The following CPS1 variants were observed in gnomAD, a reference collection of about 807,000 sequenced individuals.
CPS1 encodes the protein carbamoyl-phosphate synthase [ammonia], mitochondrial.
A neutral mutation model predicts 174.6 loss-of-function variants in CPS1; 109 were observed. The observed-to-expected ratio is 0.62, with a 90% CI of 0.53 to 0.73. The LOEUF (loss-of-function observed/expected upper bound fraction) is 0.73. Among genes scored for constraint, CPS1 ranks in the 30% least tolerant of loss-of-function variants. The pLI is 0.00. For missense variants in CPS1, 1,689 were observed against 1,821.9 expected (o/e 0.93, Z 1.33); for synonymous variants, 637 against 632.0 (o/e 1.01, Z -0.12).
intron 25 of CPS1, among the ~76,000 whole-genome samples, chr2:210,645,942 CT>C (rs1700364602): frequency 6.6e-6 from 1 of 152,046 alleles, no homozygotes; most frequent in African/African-American, 2.4e-5. Context: ...AGAGTAGCAG[CT>C]ATTATCTTAC....
At chr2:210,528,752 A>G (rs2105997373) in intron 1 of CPS1, among the ~76,000 whole-genome samples, 1 of 151,530 alleles carries the variant, frequency 6.6e-6, no homozygotes, top group South Asian at 2.1e-4. Flanking sequence ...ACTTCTGACT[A>G]TAATAGAAAA....
intron 34 of CPS1, chr2:210,673,126 T>C (rs1701370388): frequency 6.6e-6 from 1 of 152,212 alleles, no homozygotes; most frequent in Non-Finnish European, 1.5e-5. Context: ...TTACAAGACA[T>C]TTGCTGAAGT....
chr2:210,605,359 T>A, intron 17 of CPS1, 113 bp downstream of exon 17: 2 of 1,160,074 alleles, frequency 1.7e-6, no homozygotes, highest in Non-Finnish European at 2.6e-6. Flanking sequence ...GTTGACAGAC[T>A]AGTGATAACA....
At chr2:210,572,571 G>T (rs559273467) in intron 1 of CPS1, among the ~76,000 whole-genome samples, 46 of 152,062 alleles carry the variant, frequency 3.0e-4, no homozygotes, top group African/African-American at 1.1e-3. Flanking sequence ...CTAAGAATTT[G>T]GTAGACACTG....
intron 1 of CPS1, among the ~76,000 whole-genome samples, chr2:210,497,885 T>TATACATAC (rs1338051806): frequency 8.7e-6 from 1 of 115,100 alleles, no homozygotes; most frequent in African/African-American, 3.5e-5. Context: ...TAGAACAATA[T>TATACATAC]ATACATACAT....
intron 22 of CPS1, 37 bp from the exon 23 acceptor site, chr2:210,639,113 A>T: frequency 6.5e-7 from 1 of 1,542,502 alleles, no homozygotes; most frequent in Non-Finnish European, 8.9e-7. Flanking sequence ...TTATAATAAC[A>T]TTCTTATTTG....
At chr2:210,566,578 C>G (rs988083236) in intron 1 of CPS1, among the ~76,000 whole-genome samples, 9 of 152,042 alleles carry the variant, frequency 5.9e-5, no homozygotes, top group African/African-American at 2.2e-4. Context: ...TCTTTTAATC[C>G]TCACTTACGA....
rs185251543 is a variant in CPS1, at chr2:210,666,916, G to A, written c.4003-1270G>A. Among the ~76,000 whole-genome samples, 126 of 152,206 alleles carry A rather than the reference G, an allele frequency of 8.3e-4. No homozygotes were observed. In the Middle Eastern group the frequency reaches 0.037, roughly 45 times the overall value. ...GCATTGAATCTATAAATTACCTTGGGCAGTATGGCCATTTTCACAATATTG... is the reference window on the plus strand; with the variant it reads ...GCATTGAATCTATAAATTACCTTGGACAGTATGGCCATTTTCACAATATTG... On this transcript the variant is annotated intron_variant, in intron 33 of 37. Transcript: ENST00000233072.
At chr2:210,480,586 G>A (rs542560857) in intron 1 of CPS1, among the ~76,000 whole-genome samples, 6 of 152,102 alleles carry the variant, frequency 3.9e-5, no homozygotes, top group African/African-American at 1.4e-4. Context: ...GGGTCTTTGG[G>A]GTAAAAGAGA....
intron 1 of CPS1, chr2:210,519,668 C>A (rs1695769971): frequency 1.3e-5 from 10 of 794,876 alleles, no homozygotes; most frequent in Non-Finnish European, 1.5e-5. Flanking sequence ...CATCTAGACA[C>A]AGGCACGTGA....
intron 21 of CPS1, among the ~76,000 whole-genome samples, chr2:210,626,408 C>A (rs963192287): frequency 5.9e-5 from 9 of 151,988 alleles, no homozygotes; most frequent in African/African-American, 2.2e-4. Context: ...GGATTGAATT[C>A]ACAAAATTCA....
upstream of CPS1, chr2:210,556,380 T>TG: frequency 4.2e-6 from 2 of 478,670 alleles, no homozygotes; most frequent in Non-Finnish European, 4.1e-6. Context: ...TTGTCCATGA[T>TG]GTCTAGGTCA....
At chr2:210,541,923 G>A (rs1214856888) in intron 1 of CPS1, among the ~76,000 whole-genome samples, 4 of 152,042 alleles carry the variant, frequency 2.6e-5, no homozygotes, top group Non-Finnish European at 4.4e-5. Flanking sequence ...TATGCCACCC[G>A]TTTGATTTCA....
chr2:210,666,194 T>G (rs1243721967), intron 33 of CPS1, among the ~76,000 whole-genome samples: 2 of 151,540 alleles, frequency 1.3e-5, no homozygotes, highest in African/African-American at 4.8e-5. Context: ...TCTTGTAAAT[T>G]TGTTTGAGTT....
chr2:210,580,534 C>A (rs1314991507), intron 5 of CPS1, among the ~76,000 whole-genome samples: 2 of 151,886 alleles, frequency 1.3e-5, no homozygotes, highest in African/African-American at 2.4e-5. Context: ...AATATAATTA[C>A]ATAAAAATAA....
rs1227161541 is a variant in CPS1 at position 210,608,380 on chromosome 2, G to T, written c.2212G>T (p.Ala738Ser). 3.7e-6 allele frequency: 6 copies of T among 1,612,130 alleles called. No homozygotes were observed. The highest frequency in any genetic ancestry group is 1.7e-5 in the Admixed American group (1 of 59,856). Residue 738 changes from alanine (A) to serine (S), a missense_variant, in exon 19 of 38, where the codon GCT becomes TCT. Coordinates refer to ENST00000233072, the MANE Select transcript of CPS1 (RefSeq NM_001875.5). ...KATGYPLAFI[A>S]AKIALGIPLP... ...TTATAGCTACCCATTGGCATTCATT[G>T]CTGCAAAGATTGCCCTAGGAATCCC...
intron 21 of CPS1, among the ~76,000 whole-genome samples, chr2:210,629,779 G>A (rs1312586383): frequency 6.6e-6 from 1 of 150,864 alleles, no homozygotes; most frequent in Non-Finnish European, 1.5e-5. Flanking sequence ...GGCCGGGCTC[G>A]GTGGCTCACG....
rs750296250 is a variant in CPS1 at position 210,658,553 on chromosome 2, A to G, written c.3667-46A>G. ...GCCTTTTAGAAAGTTTTCAAAAACT[A>G]AGATATGCTCTTTAGCACACTATAC... On this transcript the variant is annotated intron_variant, in intron 30 of 37. Coordinates refer to ENST00000233072, the MANE Select transcript of CPS1 (RefSeq NM_001875.5). 34 of 1,542,020 alleles carry G rather than the reference A, an allele frequency of 2.2e-5. No individual in the cohort carries two copies. The East Asian group carries it at 3.8e-4, about 17-fold the overall frequency.
At chr2:210,641,483 C>T (rs565997707) in intron 24 of CPS1, among the ~76,000 whole-genome samples, 2 of 152,008 alleles carry the variant, frequency 1.3e-5, no homozygotes, top group Admixed American at 6.5e-5. Flanking sequence ...TGAACTAAAA[C>T]CCTCCTAAAA....
Sources: gnomAD v4.1 joint callset for allele counts (sites outside exome capture counted in the v4.1 genomes callset) on GRCh38, gnomAD v4.1.1 for gene constraint, MANE v1.5 for transcripts, NCBI Gene and HGNC (gene_info 2026-07-23, HGNC 2026-07-21) for gene names.